IL1RAPL1: variants seen among roughly 807,000 people sequenced by gnomAD.
The protein encoded by IL1RAPL1 is interleukin 1 receptor accessory protein like 1, also known as interleukin-1 receptor accessory protein-like 1.
A neutral mutation model predicts 48.4 loss-of-function variants in IL1RAPL1; 3 were observed. The observed-to-expected ratio is 0.06, with a 90% CI of 0.03 to 0.16. The LOEUF (loss-of-function observed/expected upper bound fraction) is 0.16. IL1RAPL1 is among the 10% of genes least tolerant of loss of function. The pLI is 1.00. For synonymous variants in IL1RAPL1, 185 were observed against 187.7 expected (o/e 0.99, Z 0.12); for missense variants, 349 against 530.6 (o/e 0.66, Z 3.36).
intron 5 of IL1RAPL1, among the ~76,000 whole-genome samples, chrX:29,476,792 A>G (rs1475005336): frequency 1.9e-5 from 2 of 107,726 alleles, no homozygotes; most frequent in Non-Finnish European, 3.8e-5. Context: ...AATAGCTTTC[A>G]TTTATATAGC....
intron 2 of IL1RAPL1, among the ~76,000 whole-genome samples, chrX:29,199,593 G>A (rs1281230415): frequency 4.5e-5 from 5 of 110,860 alleles, no homozygotes; most frequent in Non-Finnish European, 9.4e-5. Context: ...CTCATAAGGA[G>A]CACATAACCT....
chrX:29,111,946 T>TC (rs1928577731), intron 2 of IL1RAPL1, among the ~76,000 whole-genome samples: 1 of 98,661 alleles, frequency 1.0e-5, no homozygotes, highest in African/African-American at 3.8e-5. Flanking sequence ...TTTTTTTTTT[T>TC]TGAGACGGCG....
At chrX:28,722,004 A>G (rs1434867845) in intron 1 of IL1RAPL1, among the ~76,000 whole-genome samples, 1 of 111,399 alleles carries the variant, frequency 9.0e-6, no homozygotes. Context: ...GTAGCCTTGT[A>G]GTATAGTTTG....
At chrX:29,732,469 G>T (rs1485560428) in intron 6 of IL1RAPL1, among the ~76,000 whole-genome samples, 7 of 111,293 alleles carry the variant, frequency 6.3e-5, no homozygotes, top group Non-Finnish European at 1.3e-4. Flanking sequence ...CATTTTCCTC[G>T]CAATCATCAA....
intron 1 of IL1RAPL1, among the ~76,000 whole-genome samples, chrX:28,780,617 A>G (rs1210571926): frequency 9.1e-6 from 1 of 110,485 alleles, no homozygotes; most frequent in Non-Finnish European, 1.9e-5. Flanking sequence ...GATCCTTTAA[A>G]ACCTTTTCTA....
chrX:28,976,871 G>T (rs1925219749), intron 2 of IL1RAPL1, among the ~76,000 whole-genome samples: 1 of 112,235 alleles, frequency 8.9e-6, no homozygotes, highest in South Asian at 3.7e-4. Flanking sequence ...GTGCCAGATA[G>T]TAAATATTTT....
At chrX:29,365,863 A>AC (rs1173955623) in intron 3 of IL1RAPL1, among the ~76,000 whole-genome samples, 1 of 109,180 alleles carries the variant, frequency 9.2e-6, no homozygotes, top group Non-Finnish European at 1.9e-5. Flanking sequence ...GCATGGTGAA[A>AC]CCCCCCATCT....
intron 5 of IL1RAPL1, among the ~76,000 whole-genome samples, chrX:29,419,732 T>A (rs1223382305): frequency 4.4e-5 from 5 of 112,791 alleles, no homozygotes; most frequent in African/African-American, 1.6e-4. Flanking sequence ...TGGTTAAATC[T>A]TCCACTTCAG....
At chrX:29,155,487 C>T (rs2147501409) in intron 2 of IL1RAPL1, among the ~76,000 whole-genome samples, 1 of 111,643 alleles carries the variant, frequency 9.0e-6, no homozygotes, top group East Asian at 2.8e-4. Flanking sequence ...AAATGGGAGC[C>T]CTCAGGTACA....
At chrX:28,941,611 A>T (rs1446909991) in intron 2 of IL1RAPL1, among the ~76,000 whole-genome samples, 1 of 111,165 alleles carries the variant, frequency 9.0e-6, no homozygotes, top group Non-Finnish European at 1.9e-5. Context: ...AAAAATTTTA[A>T]TGTGTTCTTC....
intron 2 of IL1RAPL1, among the ~76,000 whole-genome samples, chrX:29,236,659 TCTCCTG>T (rs1931310814): frequency 4.1e-5 from 1 of 24,375 alleles, no homozygotes; most frequent in African/African-American, 1.3e-4. Context: ...TTCACACCAT[TCTCCTG>T]CATTCTCCTG....
intron 2 of IL1RAPL1, among the ~76,000 whole-genome samples, chrX:29,255,357 G>A (rs1490056903): frequency 9.1e-6 from 1 of 109,426 alleles, no homozygotes; most frequent in Non-Finnish European, 1.9e-5. Flanking sequence ...ACTGATTCAT[G>A]GTCGTTGAAG....
intron 9 of IL1RAPL1, among the ~76,000 whole-genome samples, chrX:29,946,502 C>T (rs1313833828): frequency 8.9e-6 from 1 of 111,991 alleles, no homozygotes; most frequent in African/African-American, 3.2e-5. Context: ...GGAGAAGATA[C>T]GCTATCCCCC....
intron 6 of IL1RAPL1, among the ~76,000 whole-genome samples, chrX:29,901,058 G>A (rs186268542): frequency 5.5e-4 from 61 of 111,437 alleles, no homozygotes; most frequent in African/African-American, 1.6e-3. Flanking sequence ...TTTTTTCCTC[G>A]TATTTCTGGT....
chrX:28,978,288 A>G (rs1252603034), intron 2 of IL1RAPL1, among the ~76,000 whole-genome samples: 1 of 111,366 alleles, frequency 9.0e-6, no homozygotes, highest in African/African-American at 3.3e-5. Context: ...ACGCAGGCCC[A>G]TGGGAAGATA....
intron 2 of IL1RAPL1, among the ~76,000 whole-genome samples, chrX:28,985,951 G>T (rs748315045): frequency 1.8e-5 from 2 of 111,202 alleles, no homozygotes; most frequent in East Asian, 5.7e-4. Context: ...GAGCCACCGC[G>T]CCCGGCCCCT....
chrX:29,563,751 T>C (rs1013056283), intron 5 of IL1RAPL1, among the ~76,000 whole-genome samples: 4 of 112,093 alleles, frequency 3.6e-5, no homozygotes, highest in Non-Finnish European at 7.5e-5. Flanking sequence ...GGTCATCTTA[T>C]TTAGAGTTAT....
chrX:28,665,865 T>G (rs1934871379), intron 1 of IL1RAPL1, among the ~76,000 whole-genome samples: 1 of 112,188 alleles, frequency 8.9e-6, no homozygotes, highest in African/African-American at 3.2e-5. Flanking sequence ...AATGAGATTA[T>G]TCCTATATCC....
chrX:28,724,890 A>C (rs1221098487), intron 1 of IL1RAPL1, among the ~76,000 whole-genome samples: 1 of 109,192 alleles, frequency 9.2e-6, no homozygotes, highest in Non-Finnish European at 1.9e-5. Context: ...GCCTTCTAGC[A>C]TATCTTTCTG....
Sources: allele counts gnomAD v4.1 joint callset (sites outside exome capture counted in the v4.1 genomes callset), GRCh38; gene constraint gnomAD v4.1.1; transcripts MANE v1.5; gene names NCBI Gene and HGNC (gene_info 2026-07-23, HGNC 2026-07-21).